THSD4: variants seen among roughly 807,000 people sequenced by gnomAD.
THSD4 encodes the protein thrombospondin type-1 domain-containing protein 4.
A neutral mutation model predicts 119.0 loss-of-function variants in THSD4; 69 were observed. That is an observed-to-expected ratio of 0.58 (90% CI 0.48 to 0.71). The LOEUF is 0.71. Among genes scored for constraint, THSD4 ranks in the 30% least tolerant of loss-of-function variants. The pLI is 0.00. For missense variants in THSD4, 1,393 were observed against 1,391.1 expected (o/e 1.00, Z -0.02); for synonymous variants, 524 against 540.4 (o/e 0.97, Z 0.42).
intron 14 of THSD4, among the ~76,000 whole-genome samples, chr15:71,752,251 C>T (rs2053461157): frequency 6.6e-6 from 1 of 152,208 alleles, no homozygotes; most frequent in Non-Finnish European, 1.5e-5. Flanking sequence ...TAAAAAGCTA[C>T]ATGTAAATTT....
chr15:71,519,388 C>G (rs1158832214), intron 7 of THSD4, among the ~76,000 whole-genome samples: 2 of 152,228 alleles, frequency 1.3e-5, no homozygotes, highest in East Asian at 3.9e-4. Context: ...GAGACGGAGT[C>G]TCTCACTCTG....
intron 4 of THSD4, among the ~76,000 whole-genome samples, chr15:71,221,453 C>T (rs534845011): frequency 7.8e-4 from 119 of 152,278 alleles, no homozygotes; most frequent in African/African-American, 2.6e-3. Flanking sequence ...CTTCCCCCAC[C>T]GCAGCCCTTA....
intron 5 of THSD4, among the ~76,000 whole-genome samples, chr15:71,251,845 G>A (rs1384707466): frequency 6.6e-6 from 1 of 152,146 alleles, no homozygotes; most frequent in Non-Finnish European, 1.5e-5. Flanking sequence ...CTAGAAATGT[G>A]GCTGGAGTTT....
At position 71,582,631 on chromosome 15, in the gene THSD4, C is replaced by A. The variant is rs374501514; in HGVS notation, c.1153-77899C>A. Among the ~76,000 whole-genome samples, 24 of 152,102 alleles carry A rather than the reference C, an allele frequency of 1.6e-4. 1 individual carries two copies. Among genetic ancestry groups the A allele is most frequent in the Admixed American group, 3.3e-4 (5 of 15,270 alleles). The stretch of plus-strand genomic sequence containing the variant: ...TTAGCTGTGGGCTTGCCATATATAG[C>A]CATATTATGTTGCGGTATATTTCTT... On this transcript the variant is annotated intron_variant, in intron 7 of 17. Transcript: ENST00000261862.
At chr15:71,345,212 G>T (rs1232602120) in intron 6 of THSD4, among the ~76,000 whole-genome samples, 1 of 135,196 alleles carries the variant, frequency 7.4e-6, no homozygotes, top group African/African-American at 2.7e-5. Context: ...TTGGGGGGGT[G>T]GGTAGGGGGC....
intron 3 of THSD4, among the ~76,000 whole-genome samples, chr15:71,174,288 C>T (rs967775454): frequency 2.0e-5 from 3 of 152,034 alleles, no homozygotes; most frequent in Non-Finnish European, 4.4e-5. Context: ...CCAGTGTGTG[C>T]GCGCGCCGAA....
At position 71,265,743 on chromosome 15, in the gene THSD4, G is replaced by A. The variant is rs116344592; in HGVS notation, c.1015+9028G>A. ...GCTGCGCGCACAGCAGTCTGAAGTC[G>A]ACCTTAGACGCTTGAGCTTTGTGGG... On this transcript the variant is annotated intron_variant, in intron 6 of 17. Coordinates refer to ENST00000261862, the MANE Select transcript of THSD4 (RefSeq NM_024817.3). Among the ~76,000 whole-genome samples the A allele has an allele frequency of 3.0e-3, 463 of 152,280 alleles. 1 individual carries two copies. Among genetic ancestry groups the A allele is most frequent in the African/African-American group, 0.01 (424 of 41,544 alleles).
chr15:71,204,081 G>C (rs116547683), intron 3 of THSD4, among the ~76,000 whole-genome samples: 1 of 152,142 alleles, frequency 6.6e-6, no homozygotes, highest in Admixed American at 6.5e-5. Flanking sequence ...AGAGCATGAG[G>C]CTATCACAAA....
rs2047679012 is a variant in THSD4, at chr15:71,478,200, A to G, written c.1152+66377A>G. Among the ~76,000 whole-genome samples, 3 of 152,174 alleles carry G rather than the reference A, an allele frequency of 2.0e-5. No individual in the cohort carries two copies. The South Asian group carries it at 6.2e-4, about 32-fold the overall frequency. On this transcript the variant is annotated intron_variant, in intron 7 of 17. Coordinates refer to ENST00000261862, the MANE Select transcript of THSD4 (RefSeq NM_024817.3). The stretch of plus-strand genomic sequence containing the variant: ...TTTGGTTCTGTGAATGCCATGTCAT[A>G]TTATAGCTTACATCAGAAAGCCCAG...
intron 6 of THSD4, among the ~76,000 whole-genome samples, chr15:71,386,550 G>C (rs2046295738): frequency 6.6e-6 from 1 of 152,162 alleles, no homozygotes; most frequent in South Asian, 2.1e-4. Flanking sequence ...AGAGAAAATG[G>C]AAATGTGAAT....
chr15:71,765,344 A>G (rs2140231168), intron 16 of THSD4, 145 bp downstream of exon 16: 1 of 985,162 alleles, frequency 1.0e-6, no homozygotes, highest in East Asian at 2.8e-5. Flanking sequence ...CTGCTGGAGT[A>G]CCCCGTGACT....
In THSD4 at chr15:71,373,689, T is replaced by C. The variant is rs556654758; in HGVS notation, c.1016-37998T>C. 2.0e-5 allele frequency among the ~76,000 whole-genome samples: 3 copies of C among 152,316 alleles called. No individual in the cohort carries two copies. In the South Asian group the frequency reaches 6.2e-4, roughly 32 times the overall value. Reference sequence around the variant, plus strand: ...TGCCACTGACTTGCTCCTGTCCAAATTGCCTCTCCATGAGCTACAAGGGTC... The same window carrying C: ...TGCCACTGACTTGCTCCTGTCCAAACTGCCTCTCCATGAGCTACAAGGGTC... On this transcript the variant is annotated intron_variant, in intron 6 of 17. Transcript: ENST00000261862.
intron 3 of THSD4, among the ~76,000 whole-genome samples, chr15:71,184,649 AG>A (rs1275191245): frequency 2.0e-5 from 3 of 151,940 alleles, no homozygotes; most frequent in African/African-American, 7.2e-5. Flanking sequence ...CTGGCTGCAA[AG>A]CTGAACCCCA....
chr15:71,774,310 C>CAAA (rs11448201), intron 17 of THSD4, among the ~76,000 whole-genome samples: 3,206 of 73,758 alleles, frequency 0.043, 177 homozygotes, highest in African/African-American at 0.1. Flanking sequence ...GACTCTGTCT[C>CAAA]AAAAAAAAAA....
chr15:71,364,316 G>A (rs1259262662), intron 6 of THSD4, among the ~76,000 whole-genome samples: 1 of 152,256 alleles, frequency 6.6e-6, no homozygotes, highest in African/African-American at 2.4e-5. Flanking sequence ...TGGGCGGTAA[G>A]ATGAACTGCC....
intron 11 of THSD4, among the ~76,000 whole-genome samples, chr15:71,744,214 A>G (rs1042581191): frequency 2.8e-5 from 3 of 108,362 alleles, no homozygotes; most frequent in South Asian, 2.9e-4. Flanking sequence ...CTGGCTTTTT[A>G]TCGAAAATAG....
intron 13 of THSD4, among the ~76,000 whole-genome samples, chr15:71,747,532 C>A (rs151191528): frequency 6.6e-6 from 1 of 152,206 alleles, no homozygotes; most frequent in South Asian, 2.1e-4. Context: ...AAGTCTGTTA[C>A]AAGTTGAAAG....
At chr15:71,546,516 A>T (rs563820314) in intron 7 of THSD4, among the ~76,000 whole-genome samples, 4 of 152,216 alleles carry the variant, frequency 2.6e-5, no homozygotes, top group South Asian at 2.1e-4. Context: ...GGTAGCTCTT[A>T]TTTCTTTAAA....
chr15:71,423,510 G>T (rs1323797186), intron 7 of THSD4, among the ~76,000 whole-genome samples: 1 of 152,152 alleles, frequency 6.6e-6, no homozygotes, highest in Non-Finnish European at 1.5e-5. Context: ...GGCCTGGAAT[G>T]GGGGCCTCAG....
Sources: gnomAD v4.1 joint callset for allele counts (sites outside exome capture counted in the v4.1 genomes callset) on GRCh38, gnomAD v4.1.1 for gene constraint, MANE v1.5 for transcripts, NCBI Gene and HGNC (gene_info 2026-07-23, HGNC 2026-07-21) for gene names.